The following FAM184A variants were observed in gnomAD, a reference collection of about 807,000 sequenced individuals.
FAM184A encodes the protein protein FAM184A.
A neutral mutation model predicts 143.8 loss-of-function variants in FAM184A; 99 were observed. The observed-to-expected ratio is 0.69, with a 90% CI of 0.58 to 0.81. The LOEUF (loss-of-function observed/expected upper bound fraction) is 0.81, where lower values mean the gene tolerates loss of function less well. Ranked by LOEUF, FAM184A falls within the 40% of genes least tolerant of loss-of-function variation. FAM184A has a pLI of 0.00. For missense variants in FAM184A, 1,217 were observed against 1,310.5 expected (o/e 0.93, Z 1.10); for synonymous variants, 427 against 446.4 (o/e 0.96, Z 0.55).
At chr6:119,082,029 G>T (rs1034590059), upstream of FAM184A, among the ~76,000 whole-genome samples, 13 of 152,182 alleles carry the variant, frequency 8.5e-5, no homozygotes, top group African/African-American at 2.9e-4. Flanking sequence ...GGTGGGGGTG[G>T]CAGGCCAGGG....
At chr6:119,117,780 A>G (rs1394139235) in intron 1 of FAM184A, among the ~76,000 whole-genome samples, 1 of 152,168 alleles carries the variant, frequency 6.6e-6, no homozygotes, top group Non-Finnish European at 1.5e-5. Flanking sequence ...TTAGTGATTA[A>G]TTTAATTGGT....
At chr6:118,994,123 A>G (rs1424185672) in intron 9 of FAM184A, among the ~76,000 whole-genome samples, 4 of 152,174 alleles carry the variant, frequency 2.6e-5, no homozygotes, top group Admixed American at 6.5e-5. Flanking sequence ...CAAGTTACAC[A>G]TGAATGTTTA....
chr6:119,039,253 A>G (rs768579510), intron 1 of FAM184A, among the ~76,000 whole-genome samples: 15 of 152,220 alleles, frequency 9.9e-5, no homozygotes, highest in Non-Finnish European at 1.6e-4. Flanking sequence ...TTATAAAACT[A>G]AACACATTCT....
At chr6:119,112,570 A>T (rs79987229) in intron 1 of FAM184A, among the ~76,000 whole-genome samples, 1,929 of 152,288 alleles carry the variant, frequency 0.013, 16 homozygotes, top group South Asian at 0.014. Context: ...AGTCTCCTTT[A>T]TCCTTTTCAC....
chr6:119,086,390 A>G (rs1788223229), intron 1 of FAM184A, among the ~76,000 whole-genome samples: 1 of 152,210 alleles, frequency 6.6e-6, no homozygotes, highest in South Asian at 2.1e-4. Context: ...GTGTGAAAGG[A>G]ACTCCAAAAG....
intron 17 of FAM184A, 136 bp from the exon 18 acceptor site, chr6:118,960,320 AC>A (rs1257429239): frequency 1.5e-6 from 1 of 651,162 alleles, no homozygotes; most frequent in African/African-American, 1.8e-5. Flanking sequence ...AAGATTTGCT[AC>A]CCCCTCTATA....
intron 1 of FAM184A, among the ~76,000 whole-genome samples, chr6:119,105,302 G>A (rs1296973297): frequency 1.3e-5 from 2 of 152,102 alleles, no homozygotes; most frequent in Admixed American, 6.5e-5. Flanking sequence ...TAATCCCCAC[G>A]TGTTGGAGGA....
chr6:119,006,080 C>T (rs1251146885), intron 7 of FAM184A: 2 of 764,934 alleles, frequency 2.6e-6, no homozygotes, highest in Non-Finnish European at 4.8e-6. Context: ...AGAATGAGCC[C>T]TTGTTCCAAT....
intron 9 of FAM184A, among the ~76,000 whole-genome samples, chr6:118,981,249 A>AT (rs1784013123): frequency 6.6e-6 from 1 of 152,216 alleles, no homozygotes; most frequent in African/African-American, 2.4e-5. Context: ...TGATAAAACC[A>AT]TTTAATTGAC....
chr6:118,994,772 A>G (rs1784495320), intron 9 of FAM184A, among the ~76,000 whole-genome samples: 1 of 152,112 alleles, frequency 6.6e-6, no homozygotes, highest in African/African-American at 2.4e-5. Context: ...AAGCCTTTGA[A>G]GCCACACTGA....
intron 1 of FAM184A, among the ~76,000 whole-genome samples, chr6:119,051,289 C>A (rs1786754887): frequency 6.6e-6 from 1 of 152,160 alleles, no homozygotes. Context: ...CACACAAAGA[C>A]AAAACACTAC....
intron 1 of FAM184A, among the ~76,000 whole-genome samples, chr6:119,032,497 G>A (rs948639543): frequency 1.3e-5 from 2 of 149,012 alleles, no homozygotes; most frequent in Non-Finnish European, 3.0e-5. Flanking sequence ...GAGGGGGAGA[G>A]GGAGAGGGAA....
chr6:118,978,193 C>T (rs1783905319), intron 11 of FAM184A, among the ~76,000 whole-genome samples: 1 of 152,096 alleles, frequency 6.6e-6, no homozygotes, highest in African/African-American at 2.4e-5. Flanking sequence ...AAAATCCCGC[C>T]CTCAGGTGAT....
At chr6:119,011,219 A>G (rs1178946074) in intron 6 of FAM184A, 90 bp downstream of exon 6, 1 of 1,100,326 alleles carries the variant, frequency 9.1e-7, no homozygotes, top group Non-Finnish European at 1.3e-6. Flanking sequence ...TGTTACCTTT[A>G]CTGAGACTTA....
chr6:118,984,231 TTATATTTATA>T (rs1330541975), intron 9 of FAM184A, among the ~76,000 whole-genome samples: 6 of 145,752 alleles, frequency 4.1e-5, no homozygotes, highest in South Asian at 2.1e-4. Flanking sequence ...ATTTGTATAT[TTATATTTATA>T]TATATTTATA....
chr6:119,041,597 A>G lies in FAM184A; in HGVS notation c.160-16784T>C, dbSNP rs187688499. On this transcript the variant is annotated intron_variant, in intron 1 of 17. Coordinates refer to ENST00000338891, the MANE Select transcript of FAM184A (RefSeq NM_024581.6). The stretch of plus-strand genomic sequence containing the variant: ...GGGAGCTCTGTTTTCACTCTATTAA[A>G]TCTTGCAGCTGCACTCTTCTGGTCC... Among the ~76,000 whole-genome samples the G allele has an allele frequency of 1.4e-3, 213 of 152,140 alleles. 1 individual carries two copies. Among genetic ancestry groups the G allele is most frequent in the South Asian group, 9.6e-3 (46 of 4,814 alleles).
intron 4 of FAM184A, among the ~76,000 whole-genome samples, chr6:119,017,612 G>A (rs933589219): frequency 6.6e-6 from 1 of 151,836 alleles, no homozygotes; most frequent in African/African-American, 2.4e-5. Flanking sequence ...TGCCAATTAC[G>A]TACCTTTTGG....
intron 1 of FAM184A, among the ~76,000 whole-genome samples, chr6:119,101,169 C>T (rs911033973): frequency 6.7e-6 from 1 of 149,434 alleles, no homozygotes; most frequent in East Asian, 2.1e-4. Flanking sequence ...TGGGTTCAAG[C>T]AATTCTCCTG....
intron 1 of FAM184A, among the ~76,000 whole-genome samples, chr6:119,094,937 G>A (rs1788468339): frequency 6.6e-6 from 1 of 152,120 alleles, no homozygotes. Flanking sequence ...GGTTCTAATG[G>A]GGGAATATTT....
Sources: gnomAD v4.1 joint callset for allele counts (sites outside exome capture counted in the v4.1 genomes callset) on GRCh38, gnomAD v4.1.1 for gene constraint, MANE v1.5 for transcripts, NCBI Gene and HGNC (gene_info 2026-07-23, HGNC 2026-07-21) for gene names.